USP37: variants seen among roughly 807,000 people sequenced by gnomAD.
USP37 encodes the protein ubiquitin carboxyl-terminal hydrolase 37.
Under a neutral mutation model 124.0 loss-of-function variants are expected in USP37, and 27 were observed. That is an observed-to-expected ratio of 0.22 (90% CI 0.16 to 0.30). The LOEUF is 0.30. Ranked by LOEUF, USP37 falls within the 10% of genes least tolerant of loss-of-function variation. USP37 has a pLI of 1.00. For synonymous variants in USP37, 365 were observed against 388.0 expected, an observed-to-expected ratio of 0.94 and a Z score of 0.70; for missense variants, 889 against 1,140.4, an observed-to-expected ratio of 0.78 and a Z score of 3.17.
chr2:218,497,956 T>G, intron 12 of USP37, 70 bp downstream of exon 12: 1 of 1,569,358 alleles, frequency 6.4e-7, no homozygotes, highest in Non-Finnish European at 8.6e-7. Flanking sequence ...TTTTTGAGTG[T>G]CTAAAATTCC....
intron 10 of USP37, among the ~76,000 whole-genome samples, chr2:218,529,227 C>T (rs192188270): frequency 1.7e-3 from 255 of 152,212 alleles, no homozygotes; most frequent in Admixed American, 3.5e-3. Context: ...GTAGAGTGGT[C>T]GGATGCGATG....
In USP37 at chr2:218,451,531, T is replaced by A. The variant is rs1450956270; in HGVS notation, c.*3399A>T. 6.6e-6 allele frequency: 1 copy of A among 151,248 alleles called. No individual in the cohort carries two copies. The highest frequency in any genetic ancestry group is 1.5e-5 in the Non-Finnish European group (1 of 67,950). The allele number at this position is 151,248 out of a possible 1,614,324, so 9.4% of individuals were successfully genotyped here. A position where few individuals can be genotyped will look rare whatever the true frequency, so the allele number is the denominator to read the frequency against. ...GATCACAAATGAGTTTACAAACTAC[T>A]TTTTTTTCTCTTTAATTTAGGTGTT... On this transcript the variant is annotated 3_prime_UTR_variant, in exon 26 of 26. Transcript: ENST00000258399.
At chr2:218,505,778 T>A (rs1371013872) in intron 11 of USP37, among the ~76,000 whole-genome samples, 1 of 152,206 alleles carries the variant, frequency 6.6e-6, no homozygotes, top group African/African-American at 2.4e-5. Flanking sequence ...CTAGGTCAAT[T>A]TTCCAGATTG....
chr2:218,508,152 T>G (rs1689777336), intron 11 of USP37, among the ~76,000 whole-genome samples: 2 of 152,216 alleles, frequency 1.3e-5, no homozygotes, highest in African/African-American at 4.8e-5. Flanking sequence ...GCATAGATTA[T>G]GTGTGCTTTT....
intron 25 of USP37, 107 bp from the exon 26 acceptor site, chr2:218,455,124 A>C: frequency 8.1e-7 from 1 of 1,239,942 alleles, no homozygotes; most frequent in Non-Finnish European, 1.1e-6. Context: ...GGCCTTCACA[A>C]TTCCATTTCA....
rs1689471533 is a variant in USP37 at position 218,451,331 on chromosome 2, G to C, written c.*3599C>G. The C allele has an allele frequency of 6.6e-6, 1 of 152,088 alleles. No individual in the cohort carries two copies. Among genetic ancestry groups the C allele is most frequent in the African/African-American group, 2.4e-5 (1 of 41,422 alleles). 9.4% of individuals were successfully genotyped at this position (152,088 alleles called of 1,614,324 possible). On this transcript the variant is annotated 3_prime_UTR_variant, in exon 26 of 26. Coordinates refer to ENST00000258399, the MANE Select transcript of USP37 (RefSeq NM_020935.3). ...ATATATACAAAATCCATATGTACTT[G>C]GAGATCCAGCTGTTGCCCCCTGTTT... is the stretch of plus-strand genomic sequence containing the variant.
At chr2:218,459,057 T>C (rs909224483) in intron 23 of USP37, among the ~76,000 whole-genome samples, 26 of 133,828 alleles carry the variant, frequency 1.9e-4, no homozygotes, top group African/African-American at 6.9e-4. Flanking sequence ...GAAAAAGCAA[T>C]TATTTAAGGG....
intron 5 of USP37, among the ~76,000 whole-genome samples, chr2:218,551,927 G>A (rs368491667): frequency 3.9e-5 from 6 of 152,090 alleles, no homozygotes; most frequent in Admixed American, 2.0e-4. Flanking sequence ...CAAGTAGCTG[G>A]GACTACAGGC....
At chr2:218,456,485 GA>G (rs1039232559) in intron 24 of USP37, among the ~76,000 whole-genome samples, 3 of 149,922 alleles carry the variant, frequency 2.0e-5, no homozygotes, top group African/African-American at 7.4e-5. Flanking sequence ...GAAAAAAGAA[GA>G]AAAAAATATT....
intron 5 of USP37, among the ~76,000 whole-genome samples, chr2:218,550,683 C>T (rs1051735201): frequency 1.3e-5 from 2 of 149,570 alleles, no homozygotes; most frequent in African/African-American, 4.9e-5. Context: ...ATGAGAGTAT[C>T]TTGCTTCCCC....
intron 10 of USP37, among the ~76,000 whole-genome samples, chr2:218,511,553 G>T (rs1689998915): frequency 1.3e-5 from 2 of 151,856 alleles, no homozygotes; most frequent in Admixed American, 1.3e-4. Context: ...CAGGTGACCT[G>T]CCCGCCTCGG....
intron 21 of USP37, 38 bp from the exon 22 acceptor site, chr2:218,463,404 G>T: frequency 6.3e-7 from 1 of 1,586,736 alleles, no homozygotes; most frequent in Non-Finnish European, 8.6e-7. Flanking sequence ...TATTTAAAGA[G>T]GTACTGATTA....
chr2:218,506,821 G>A lies in USP37; in HGVS notation c.1025+3158C>T, dbSNP rs111513959. Among the ~76,000 whole-genome samples, 432 of 151,322 alleles carry A rather than the reference G, an allele frequency of 2.9e-3. 3 individuals carry two copies. The highest frequency in any genetic ancestry group is 0.01 in the African/African-American group (414 of 41,242). On this transcript the variant is annotated intron_variant, in intron 11 of 25. Transcript: ENST00000258399. ...GAATTTTTTTTTTCTTTTTGAGACG[G>A]AGTTTTGCTCTGTCGCCCAGGCTGG... is the stretch of plus-strand genomic sequence containing the variant.
chr2:218,534,629 G>A lies in USP37; in HGVS notation c.758C>T (p.Ser253Leu). Reference sequence around the variant, plus strand: ...CTTACCTGATGTCCTATTCTCTTCTGACTGTTTCAAACTCAGCTGCTTTTC... The same window carrying A: ...CTTACCTGATGTCCTATTCTCTTCTAACTGTTTCAAACTCAGCTGCTTTTC... ...SREKQLSLKQ[S>L]EENRTSGLLP... Residue 253 changes from serine to leucine, a missense_variant, in exon 9 of 26, where the codon TCA (serine) becomes TTA (leucine). This residue lies in a region of USP37 where 374 missense variants were observed against 386.0 expected (regional missense o/e 0.97). Transcript: ENST00000258399. 6.2e-7 allele frequency: 1 copy of A among 1,608,798 alleles called. No homozygotes were observed. Among genetic ancestry groups the A allele is most frequent in the Non-Finnish European group, 8.5e-7 (1 of 1,177,392 alleles).
chr2:218,470,447 T>C, intron 20 of USP37, among the ~76,000 whole-genome samples: 1 of 152,220 alleles, frequency 6.6e-6, no homozygotes, highest in East Asian at 1.9e-4. Flanking sequence ...TTTTCTAACT[T>C]CTGTAGCCAG....
intron 10 of USP37, among the ~76,000 whole-genome samples, chr2:218,524,633 G>A (rs1278570211): frequency 6.6e-6 from 1 of 151,998 alleles, no homozygotes; most frequent in African/African-American, 2.4e-5. Context: ...TTTTTTAGAT[G>A]GAGTCTCGCG....
chr2:218,532,907 C>T (rs1402810048), intron 9 of USP37, among the ~76,000 whole-genome samples: 2 of 150,344 alleles, frequency 1.3e-5, no homozygotes, highest in Non-Finnish European at 1.5e-5. Context: ...CCAGCCAGGG[C>T]GACAGAGTGA....
chr2:218,488,650 T>A (rs577594254), intron 14 of USP37, among the ~76,000 whole-genome samples: 10 of 152,324 alleles, frequency 6.6e-5, no homozygotes, highest in African/African-American at 2.2e-4. Flanking sequence ...ATCTTTTTTT[T>A]GTGAGATGCA....
intron 10 of USP37, among the ~76,000 whole-genome samples, chr2:218,518,831 A>G (rs918236053): frequency 2.0e-5 from 3 of 152,072 alleles, no homozygotes; most frequent in African/African-American, 2.4e-5. Flanking sequence ...TTTTTCTCCA[A>G]TTAAGCCCAC....
Sources: allele counts gnomAD v4.1 joint callset (sites outside exome capture counted in the v4.1 genomes callset), GRCh38; gene constraint gnomAD v4.1.1; regional missense constraint gnomAD v4.1.1; transcripts MANE v1.5; gene names NCBI Gene and HGNC (gene_info 2026-07-23, HGNC 2026-07-21).